The following VPS13C variants were observed in gnomAD, a reference collection of about 807,000 sequenced individuals.
VPS13C encodes vacuolar protein sorting 13 homolog C.
In VPS13C, 358 loss-of-function variants were observed where a neutral mutation model predicts 456.8. The ratio of observed to expected loss-of-function variants is 0.78; its 90% confidence interval spans 0.72 to 0.86. The LOEUF (loss-of-function observed/expected upper bound fraction) is 0.86. VPS13C is among the 40% of genes least tolerant of loss of function. VPS13C has a pLI of 0.00. For missense variants in VPS13C, 4,818 were observed against 4,385.4 expected (o/e 1.10, Z -2.79); for synonymous variants, 1,578 against 1,486.7 (o/e 1.06, Z -1.41).
At chr15:61,937,903 T>G (rs1189835804) in intron 47 of VPS13C, among the ~76,000 whole-genome samples, 1 of 152,208 alleles carries the variant, frequency 6.6e-6, no homozygotes, top group African/African-American at 2.4e-5. Flanking sequence ...TCCTTCTACC[T>G]TATGTAAGAC....
At position 62,014,091 on chromosome 15, in the gene VPS13C, A is replaced by G. The variant is rs1178934301; in HGVS notation, c.685-99T>C. On this transcript the variant is annotated intron_variant, in intron 9 of 84. Transcript: ENST00000644861. ...TAACAAAATAATTTAGGAAGAAATG[A>G]CATCTACTTAATGTTAACTAGTATT... 3.9e-6 allele frequency: 3 copies of G among 772,556 alleles called. No individual in the cohort carries two copies. The East Asian group carries it at 7.8e-5, about 20-fold the overall frequency. The allele number at this position is 772,556 out of a possible 1,614,324, so 47.9% of individuals were successfully genotyped here. A position where few individuals can be genotyped will look rare whatever the true frequency, so the allele number is the denominator to read the frequency against.
chr15:61,916,968 A>G (rs144576857), intron 60 of VPS13C, among the ~76,000 whole-genome samples: 301 of 152,262 alleles, frequency 2.0e-3, no homozygotes, highest in African/African-American at 6.7e-3. Context: ...GATACAGTAA[A>G]GAGGCAGGGA....
chr15:61,887,580 A>G (rs144136376), intron 67 of VPS13C, among the ~76,000 whole-genome samples: 2,713 of 152,228 alleles, frequency 0.018, 94 homozygotes, highest in African/African-American at 0.062. Flanking sequence ...AGTCCCAGAT[A>G]CTCAGGAGGC....
At chr15:61,859,670 G>A (rs1484894146) in intron 82 of VPS13C, among the ~76,000 whole-genome samples, 2 of 152,078 alleles carry the variant, frequency 1.3e-5, no homozygotes, top group Non-Finnish European at 2.9e-5. Context: ...CCATCTTACT[G>A]TACCAAGAGT....
At position 61,977,113 on chromosome 15, in the gene VPS13C, C is replaced by T. The variant is rs200217693; in HGVS notation, c.2377G>A (p.Ala793Thr). 273 of 1,601,120 alleles carry T rather than the reference C, an allele frequency of 1.7e-4. No individual in the cohort carries two copies. Among genetic ancestry groups the T allele is most frequent in the Non-Finnish European group, 2.2e-4 (255 of 1,174,352 alleles). Reference sequence around the variant, plus strand: ...ATTCTAATGTCTTTTTCTACCATGGCCTTAGCCAACTCAACATGAATATCC... The same window carrying T: ...ATTCTAATGTCTTTTTCTACCATGGTCTTAGCCAACTCAACATGAATATCC... ...PMDIHVELAKAMVEKDIRMAR... is the reference protein window; with the variant it reads ...PMDIHVELAKTMVEKDIRMAR... The change falls in exon 24 of 85, where the codon GCC becomes ACC. Residue 793 changes from alanine to threonine, a missense_variant. Ala to Thr is a moderately conservative substitution (Grantham distance 58, BLOSUM62 0). Transcript: ENST00000644861.
chr15:61,988,810 G>A (rs1440875012), intron 18 of VPS13C, among the ~76,000 whole-genome samples: 1 of 152,156 alleles, frequency 6.6e-6, no homozygotes, highest in Non-Finnish European at 1.5e-5. Context: ...TAAATGGAGA[G>A]CAGTGGCAAA....
rs1344462184 is a variant in VPS13C, at chr15:62,004,893, C to T, written c.1290+2415G>A. On this transcript the variant is annotated intron_variant, in intron 15 of 84. Transcript: ENST00000644861. ...GCCCTGTGATCTGAGAGATAGTTTG[C>T]TATAATTTCTGTTCTTTTACATTTG... Among the ~76,000 whole-genome samples the T allele has an allele frequency of 6.6e-5, 10 of 152,182 alleles. No individual in the cohort carries two copies. The East Asian group carries it at 1.4e-3, about 21-fold the overall frequency.
intron 27 of VPS13C, among the ~76,000 whole-genome samples, chr15:61,971,858 G>A (rs1164163656): frequency 2.0e-5 from 3 of 152,194 alleles, no homozygotes; most frequent in Non-Finnish European, 2.9e-5. Flanking sequence ...TGTACACACA[G>A]TTAAAATGTA....
chr15:61,981,634 G>C (rs1242813237), intron 21 of VPS13C, among the ~76,000 whole-genome samples, 156 bp from the exon 22 acceptor site: 8 of 152,206 alleles, frequency 5.3e-5, no homozygotes, highest in African/African-American at 1.9e-4. Context: ...GCCGAGACAG[G>C]CAGATCACGA....
In VPS13C at chr15:61,867,869, AC is replaced by A; in HGVS notation, c.10863+789del. On this transcript the variant is annotated intron_variant, in intron 81 of 84. Coordinates refer to ENST00000644861, the MANE Select transcript of VPS13C (RefSeq NM_020821.3). The surrounding 1 kb of genome is among the most constrained non-coding windows in gnomAD (Gnocchi z 5.0). ...TGGAATTCACACACAGTCAATTAACACCACAGTTTGTTTTGATTTTTAAGGA... is the reference window on the plus strand; with the variant it reads ...TGGAATTCACACACAGTCAATTAACACACAGTTTGTTTTGATTTTTAAGGA... The A allele has an allele frequency of 6.3e-7, 1 of 1,593,384 alleles. No individual in the cohort carries two copies.
rs779795233 is a variant in VPS13C, at chr15:61,890,250, C to T, written c.9256G>A (p.Glu3086Lys). The change falls in exon 67 of 85, where the codon GAA (glutamate) becomes AAA (lysine). Residue 3086 changes from glutamate to lysine, a missense_variant. Glu to Lys is a moderately conservative substitution (Grantham distance 56). This residue lies in a region of VPS13C where 4,552 missense variants were observed against 4,130.6 expected (regional missense o/e 1.10). Coordinates refer to ENST00000644861, the MANE Select transcript of VPS13C (RefSeq NM_020821.3). ...QAEEMEQADY[E>K]ITLSLHSLGL... ...AGACTGTGGAGAGACAAGGTTATTTCATAATCAGCCTGTTCCATTTCTTCT... is the reference window on the plus strand; with the variant it reads ...AGACTGTGGAGAGACAAGGTTATTTTATAATCAGCCTGTTCCATTTCTTCT... 3 of 1,614,052 alleles carry T rather than the reference C, an allele frequency of 1.9e-6. No individual in the cohort carries two copies. The highest frequency in any genetic ancestry group is 1.7e-6 in the Non-Finnish European group (2 of 1,180,012).
chr15:61,979,789 C>T (rs749560828), intron 22 of VPS13C, among the ~76,000 whole-genome samples: 8 of 152,016 alleles, frequency 5.3e-5, no homozygotes, highest in South Asian at 2.1e-4. Context: ...AAAACAAGTG[C>T]GCTCAAATCA....
intron 78 of VPS13C, among the ~76,000 whole-genome samples, chr15:61,872,858 A>G (rs918198818): frequency 6.6e-6 from 1 of 152,156 alleles, no homozygotes; most frequent in Non-Finnish European, 1.5e-5. Flanking sequence ...AAAGTATTAA[A>G]AAGTAATGAA....
intron 36 of VPS13C, 27 bp from the exon 37 acceptor site, chr15:61,958,743 A>C (rs929313469): frequency 8.2e-6 from 10 of 1,224,592 alleles, no homozygotes; most frequent in Non-Finnish European, 1.1e-5. Flanking sequence ...TAAAAAAAAA[A>C]CTATATTACG....
chr15:61,857,261 C>CA (rs1893968843), intron 82 of VPS13C, among the ~76,000 whole-genome samples: 1 of 152,078 alleles, frequency 6.6e-6, no homozygotes, highest in African/African-American at 2.4e-5. Context: ...CACAATTAGA[C>CA]AAGTGCTGTA....
intron 18 of VPS13C, among the ~76,000 whole-genome samples, chr15:61,990,386 T>G (rs2046187330): frequency 6.6e-6 from 1 of 152,174 alleles, no homozygotes; most frequent in African/African-American, 2.4e-5. Context: ...TTGGTTTTGC[T>G]TACTTTTTTA....
intron 20 of VPS13C, 145 bp from the exon 21 acceptor site, chr15:61,982,718 G>A: frequency 1.8e-6 from 1 of 561,404 alleles, no homozygotes. Context: ...TCTCCCTTTG[G>A]AGTAAAAGAG....
chr15:61,865,922 A>C, intron 81 of VPS13C: 1 of 981,306 alleles, frequency 1.0e-6, no homozygotes, highest in South Asian at 4.7e-5. Flanking sequence ...TAGGAGAAAA[A>C]GGAACATGAG....
At chr15:62,004,960 A>G (rs1037658346) in intron 15 of VPS13C, among the ~76,000 whole-genome samples, 2 of 152,062 alleles carry the variant, frequency 1.3e-5, no homozygotes, top group African/African-American at 4.8e-5. Flanking sequence ...CAATTTTGGA[A>G]TAGGTGTGGT....
Sources: allele counts gnomAD v4.1 joint callset (sites outside exome capture counted in the v4.1 genomes callset), GRCh38; gene constraint gnomAD v4.1.1; regional missense constraint gnomAD v4.1.1; non-coding constraint Gnocchi (gnomAD v3.1); transcripts MANE v1.5; gene names NCBI Gene and HGNC (gene_info 2026-07-23, HGNC 2026-07-21).